Variants in KRT6C observed in about 807,000 individuals in gnomAD.
KRT6C encodes the protein keratin, type II cytoskeletal 6C.
A neutral mutation model predicts 49.4 loss-of-function variants in KRT6C; 46 were observed. The observed-to-expected ratio is 0.93, with a 90% CI of 0.74 to 1.19. The LOEUF is 1.19. Ranked by LOEUF, KRT6C falls within the 50% of genes most tolerant of loss-of-function variation. The pLI is 0.00. For missense variants in KRT6C, 552 were observed against 737.5 expected, an observed-to-expected ratio of 0.75 and a Z score of 2.91; for synonymous variants, 236 against 297.1, an observed-to-expected ratio of 0.79 and a Z score of 2.12.
In KRT6C at chr12:52,471,458, G is replaced by A. The variant is rs1349740008; in HGVS notation, c.875C>T (p.Thr292Ile). 6.2e-7 allele frequency: 1 copy of A among 1,613,800 alleles called. No homozygotes were observed. The highest frequency in any genetic ancestry group is 8.5e-7 in the Non-Finnish European group (1 of 1,179,892). ...GGCTCTCAGGAAGTTGATCTCATCT[G>A]TGAGAGTGTCTGCCTTGGCTTGCAG... ...VELQAKADTL[T>I]DEINFLRALY... is the part of the protein sequence containing the mutation. The change falls in exon 4 of 9, where the codon ACA (threonine) becomes ATA (isoleucine). Residue 292 changes from threonine (T) to isoleucine (I), a missense_variant. Physicochemically the swap from Thr to Ile is moderately conservative, Grantham distance 89. Coordinates refer to ENST00000252250, the MANE Select transcript of KRT6C (RefSeq NM_173086.5).
chr12:52,472,040 T>C (rs764972775), intron 2 of KRT6C, 26 bp downstream of exon 2: 2 of 1,465,216 alleles, frequency 1.4e-6, no homozygotes, highest in Non-Finnish European at 1.9e-6. Flanking sequence ...TCTTGAAGTG[T>C]GTGCTGCAGG....
At chr12:52,471,565 T>G (rs368883498) in intron 3 of KRT6C, 49 bp from the exon 4 acceptor site, 5 of 1,588,710 alleles carry the variant, frequency 3.1e-6, no homozygotes, top group African/African-American at 1.5e-5. Flanking sequence ...ACCTTTCCAA[T>G]CTACCCATCT....
At position 52,468,701 on chromosome 12, in the gene KRT6C, T is replaced by A; in HGVS notation, c.*361A>T. 1 of 296,696 alleles carries A rather than the reference T, an allele frequency of 3.4e-6. No homozygotes were observed. Among genetic ancestry groups the A allele is most frequent in the Non-Finnish European group, 6.4e-6 (1 of 157,336 alleles). The allele number at this position is 296,696 out of a possible 1,614,324, so 18.4% of individuals were successfully genotyped here. A position where few individuals can be genotyped will look rare whatever the true frequency, so the allele number is the denominator to read the frequency against. ...CCAATGGAAAATAAGTGGAAGTTGT[T>A]CTGAAATAAGCCCCAGGCGATTTTC... On this transcript the variant is annotated 3_prime_UTR_variant, in exon 9 of 9. Coordinates refer to ENST00000252250, the MANE Select transcript of KRT6C (RefSeq NM_173086.5).
intron 3 of KRT6C, 73 bp downstream of exon 3, chr12:52,471,599 C>T: frequency 5.2e-6 from 7 of 1,334,394 alleles, no homozygotes; most frequent in Non-Finnish European, 6.3e-6. Flanking sequence ...CCAATTCTCT[C>T]CCAGGGGAGC....
Position 52,471,676 on chromosome 12 carries a change from T to C in KRT6C, c.812A>G (p.Lys271Arg). 1 of 1,613,108 alleles carries C rather than the reference T, an allele frequency of 6.2e-7. No individual in the cohort carries two copies. ...CCCCCGGCTTCATCTGCTCACCTTC[T>C]TCAGAGTCACAAATTCATTCTCTGC... ...TAAENEFVTL[K>R]KDVDAAYMNK... The change falls in exon 3 of 9, where the codon AAG becomes AGG. Residue 271 changes from lysine (K) to arginine (R), a missense_variant. By Grantham distance (26) the Lys-to-Arg change is conservative. Transcript: ENST00000252250.
rs775007483 is a variant in KRT6C at position 52,471,472 on chromosome 12, C to T, written c.861G>A (p.Lys287=). ...TGATCTCATCTGTGAGAGTGTCTGC[C>T]TTGGCTTGCAGTTCAACCTTGTTCA... ...AYMNKVELQA[K]ADTLTDEINF... Residue 287 remains lysine, a synonymous_variant, in exon 4 of 9, where the codon AAG becomes AAA. Coordinates refer to ENST00000252250, the MANE Select transcript of KRT6C (RefSeq NM_173086.5). 1.7e-5 allele frequency: 28 copies of T among 1,613,838 alleles called. No individual in the cohort carries two copies. Among genetic ancestry groups the T allele is most frequent in the Non-Finnish European group, 2.2e-5 (26 of 1,179,876 alleles).
At position 52,469,128 on chromosome 12, in the gene KRT6C, T is replaced by C; in HGVS notation, c.1629A>G (p.Gly543=). ...TGTACTTGATGGTGGAACTGCCGCCTCCAACAGAGCTGAGGCCACCCCCAA... is the reference window on the plus strand; with the variant it reads ...TGTACTTGATGGTGGAACTGCCGCCCCCAACAGAGCTGAGGCCACCCCCAA... ...RAIGGGLSSV[G]GGSSTIKYTT... is the part of the protein sequence containing the mutation. Residue 543 remains glycine, a synonymous_variant, in exon 9 of 9, where the codon GGA becomes GGG. Transcript: ENST00000252250. The C allele has an allele frequency of 6.2e-7, 1 of 1,613,998 alleles. No homozygotes were observed. Among genetic ancestry groups the C allele is most frequent in the South Asian group, 1.1e-5 (1 of 91,074 alleles).
intron 6 of KRT6C, chr12:52,470,197 A>G (rs1937850266): frequency 1.7e-6 from 1 of 598,596 alleles, no homozygotes; most frequent in Non-Finnish European, 2.9e-6. Flanking sequence ...TGTTTTCAAA[A>G]CTACAAGAAT....
intron 4 of KRT6C, 24 bp from the exon 5 acceptor site, chr12:52,471,320 T>G: frequency 6.2e-7 from 1 of 1,614,176 alleles, no homozygotes; most frequent in Non-Finnish European, 8.5e-7. Flanking sequence ...GGTCATAAGA[T>G]CAACTTCACA....
chr12:52,473,079 T>A, intron 1 of KRT6C, 119 bp downstream of exon 1: 2 of 1,267,152 alleles, frequency 1.6e-6, no homozygotes, highest in African/African-American at 1.4e-5. Context: ...ACCTGCACTC[T>A]CTGCAGAGCT....
Position 52,469,794 on chromosome 12 carries a change from G to C in KRT6C, c.1300C>G (p.Leu434Val), listed in dbSNP as rs1374895879. The C allele has an allele frequency of 6.2e-7, 1 of 1,613,996 alleles. No individual in the cohort carries two copies. The highest frequency in any genetic ancestry group is 2.2e-5 in the East Asian group (1 of 44,876). The change falls in exon 7 of 9, where the codon CTG becomes GTG. Residue 434 changes from leucine (L) to valine (V), a missense_variant. Leu to Val is a conservative substitution (Grantham distance 32, BLOSUM62 1). Coordinates refer to ENST00000252250, the MANE Select transcript of KRT6C (RefSeq NM_173086.5). Reference protein sequence around the residue: ...KNKLEGLEDALQKAKQDLARL... With the variant: ...KNKLEGLEDAVQKAKQDLARL... ...GCCAGGTCCTGCTTGGCCTTCTGCA[G>C]GGCATCCTCCAGCCCTTCCAGCTTG... is the stretch of plus-strand genomic sequence containing the variant.
In KRT6C at chr12:52,470,498, A is replaced by G; in HGVS notation, c.1203+7T>C. ...ATGCTTCTTTCCTCCACTGCACCTC[A>G]CTGTACCTGCTTCTTGACATGGTCG... On this transcript the variant is annotated splice_region_variant and intron_variant, in intron 6 of 8. Coordinates refer to ENST00000252250, the MANE Select transcript of KRT6C (RefSeq NM_173086.5). The G allele has an allele frequency of 6.2e-7, 1 of 1,614,082 alleles. No individual in the cohort carries two copies. The highest frequency in any genetic ancestry group is 8.5e-7 in the Non-Finnish European group (1 of 1,180,022).
chr12:52,471,780 A>T, intron 2 of KRT6C, 48 bp from the exon 3 acceptor site: 1 of 1,612,726 alleles, frequency 6.2e-7, no homozygotes, highest in African/African-American at 1.3e-5. Flanking sequence ...GGGTAGGATG[A>T]AACAGAAAAG....
Position 52,472,089 on chromosome 12 carries a change from G to A in KRT6C, c.732C>T (p.Asp244=), listed in dbSNP as rs373902514. ...RLDSELRNMQ[D]LVEDLKNKYE... ...ACTTGTTCTTGAGGTCCTCCACCAG[G>A]TCCTGCATGTTTCTCAGCTCCGAGT... Residue 244 remains aspartate, a synonymous_variant, in exon 2 of 9, where the codon GAC becomes GAT. Coordinates refer to ENST00000252250, the MANE Select transcript of KRT6C (RefSeq NM_173086.5). 4 of 1,597,596 alleles carry A rather than the reference G, an allele frequency of 2.5e-6. No homozygotes were observed. Among genetic ancestry groups the A allele is most frequent in the Middle Eastern group, 1.7e-4 (1 of 6,046 alleles).
At position 52,469,435 on chromosome 12, in the gene KRT6C, C is replaced by T. The variant is rs143419682; in HGVS notation, c.1435G>A (p.Glu479Lys). ...CAGACGTTGACTTGTCCAACGCCTT[C>T]GCCATTCAGCCTGTGGAGAGGAACA... ...LEGEECRLNG[E>K]GVGQVNVSVV... is the part of the protein sequence containing the mutation. The change falls in exon 8 of 9, where the codon GAA becomes AAA. Residue 479 changes from glutamate to lysine, a missense_variant. By Grantham distance (56) the Glu-to-Lys change is moderately conservative (BLOSUM62 1). Transcript: ENST00000252250. 8.2e-5 allele frequency: 132 copies of T among 1,613,966 alleles called. No individual in the cohort carries two copies. Among genetic ancestry groups the T allele is most frequent in the African/African-American group, 1.2e-4 (9 of 75,044 alleles).
rs772244815 is a variant in KRT6C at position 52,471,130 on chromosome 12, A to C, written c.1077+2T>G. ...CTCAGCAGCTGCCCACTCCCTGCTC[A>C]CCTTGGTCTGGTACCAGGACTCAGC... On this transcript the variant is annotated splice_donor_variant, in intron 5 of 8. Transcript: ENST00000252250. LOFTEE classifies it high-confidence loss of function. The C allele has an allele frequency of 6.2e-7, 1 of 1,613,978 alleles. No individual in the cohort carries two copies. Among genetic ancestry groups the C allele is most frequent in the Non-Finnish European group, 8.5e-7 (1 of 1,180,022 alleles).
At position 52,469,856 on chromosome 12, in the gene KRT6C, T is replaced by C. The variant is rs1337635898; in HGVS notation, c.1238A>G (p.Glu413Gly). Reference protein sequence around the residue: ...ASLQAAIADAEQRGEMALKDA... With the variant: ...ASLQAAIADAGQRGEMALKDA... ...CTTGAGTGCCATCTCCCCACGCTGC[T>C]CAGCATCAGCAATGGCAGCCTGCAG... is the stretch of plus-strand genomic sequence containing the variant. The change falls in exon 7 of 9, where the codon GAG becomes GGG. Residue 413 changes from glutamate (E) to glycine (G), a missense_variant. By Grantham distance (98) the Glu-to-Gly change is moderately conservative. This residue lies in a region of KRT6C where 425 missense variants were observed against 439.4 expected (regional missense o/e 0.97). Coordinates refer to ENST00000252250, the MANE Select transcript of KRT6C (RefSeq NM_173086.5). 1 of 1,614,034 alleles carries C rather than the reference T, an allele frequency of 6.2e-7. No homozygotes were observed. Among genetic ancestry groups the C allele is most frequent in the Admixed American group, 1.7e-5 (1 of 60,016 alleles).
intron 6 of KRT6C, 127 bp downstream of exon 6, chr12:52,470,378 G>T: frequency 6.5e-7 from 1 of 1,543,252 alleles, no homozygotes; most frequent in Non-Finnish European, 8.9e-7. Flanking sequence ...CTGAGGGCAA[G>T]AACTACACAT....
Position 52,471,196 on chromosome 12 carries a change from T to C in KRT6C, c.1013A>G (p.Lys338Arg). The change falls in exon 5 of 9, where the codon AAG becomes AGG. Residue 338 changes from lysine (K) to arginine (R), a missense_variant. By Grantham distance (26) the Lys-to-Arg change is conservative. This residue lies in a region of KRT6C where 425 missense variants were observed against 439.4 expected (regional missense o/e 0.97). Transcript: ENST00000252250. ...CTGAGCAATCTCCTCGTATTGGGCC[T>C]TGACCTCAGCGATGATGCTGTCCAG... ...LDLDSIIAEV[K>R]AQYEEIAQRS... is the part of the protein sequence containing the mutation. 1.2e-6 allele frequency: 2 copies of C among 1,614,196 alleles called. No homozygotes were observed. The highest frequency in any genetic ancestry group is 1.7e-6 in the Non-Finnish European group (2 of 1,180,032).
Sources: gnomAD v4.1 joint callset for allele counts on GRCh38, gnomAD v4.1.1 for gene constraint, gnomAD v4.1.1 regional missense constraint, MANE v1.5 for transcripts, NCBI Gene and HGNC (gene_info 2026-07-23, HGNC 2026-07-21) for gene names.